GSPT1: variants seen among roughly 807,000 people sequenced by gnomAD.
GSPT1 encodes the protein G1 to S phase transition 1.
Under a neutral mutation model 72.5 loss-of-function variants are expected in GSPT1, and 20 were observed. The observed-to-expected ratio is 0.28, with a 90% CI of 0.19 to 0.40. The LOEUF is 0.40. GSPT1 is among the 10% of genes least tolerant of loss of function. The pLI, the probability that GSPT1 is intolerant of heterozygous loss-of-function variation, is 1.00. For missense variants in GSPT1, 580 were observed against 811.9 expected (o/e 0.71, Z 3.47); for synonymous variants, 334 against 293.5 (o/e 1.14, Z -1.41).
At chr16:11,913,418 T>C (rs1368542766) in intron 1 of GSPT1, among the ~76,000 whole-genome samples, 1 of 152,240 alleles carries the variant, frequency 6.6e-6, no homozygotes, top group Non-Finnish European at 1.5e-5. Context: ...TGACAGCTAC[T>C]TCCCTACAGG....
rs1169615897 is a variant in GSPT1, at chr16:11,915,763, G to A, written c.-43C>T. ...GTGTGGTGGACAGAGAGCGGGAAATGGAGGCAGGGGCGCCCGGCCGGAGAG... is the reference window on the plus strand; with the variant it reads ...GTGTGGTGGACAGAGAGCGGGAAATAGAGGCAGGGGCGCCCGGCCGGAGAG... On this transcript the variant is annotated 5_prime_UTR_variant, in exon 1 of 15. Coordinates refer to ENST00000434724, the MANE Select transcript of GSPT1 (RefSeq NM_002094.4). 6.4e-7 allele frequency: 1 copy of A among 1,563,716 alleles called. No individual in the cohort carries two copies. The highest frequency in any genetic ancestry group is 8.6e-7 in the Non-Finnish European group (1 of 1,161,496).
At chr16:11,898,135 C>A (rs913771207) in intron 1 of GSPT1, 100 bp from the exon 2 acceptor site, 1 of 745,446 alleles carries the variant, frequency 1.3e-6, no homozygotes. Context: ...TAACACGACA[C>A]AAGCCTCAAT....
At chr16:11,897,715 T>C in intron 3 of GSPT1, 125 bp downstream of exon 3, 1 of 644,578 alleles carries the variant, frequency 1.6e-6, no homozygotes, top group Non-Finnish European at 2.8e-6. Context: ...TAAATACTAA[T>C]AGCAAAGACT....
intron 14 of GSPT1, among the ~76,000 whole-genome samples, chr16:11,874,245 A>T (rs996459431): frequency 4.6e-5 from 7 of 152,134 alleles, no homozygotes; most frequent in African/African-American, 1.7e-4. Flanking sequence ...TTACATACTT[A>T]AAACAGGTCA....
At chr16:11,874,885 T>C (rs1596453882) in intron 14 of GSPT1, among the ~76,000 whole-genome samples, 1 of 152,152 alleles carries the variant, frequency 6.6e-6, no homozygotes, top group African/African-American at 2.4e-5. Context: ...AAAATGGTTA[T>C]CTAAGTTAGA....
chr16:11,911,653 A>G (rs1424847248), intron 1 of GSPT1, among the ~76,000 whole-genome samples: 1 of 150,566 alleles, frequency 6.6e-6, no homozygotes, highest in Admixed American at 6.6e-5. Context: ...CCCAGATTCA[A>G]GTGATTCTCC....
intron 1 of GSPT1, chr16:11,915,084 T>G (rs33619): frequency 0.38 from 492,161 of 1,289,026 alleles, 98,837 homozygotes; most frequent in East Asian, 0.77. Context: ...CCATCTCAAG[T>G]GGGTAACTGC....
At chr16:11,878,993 T>G (rs934079608) in intron 11 of GSPT1, among the ~76,000 whole-genome samples, 8 of 150,268 alleles carry the variant, frequency 5.3e-5, no homozygotes, top group African/African-American at 2.0e-4. Flanking sequence ...GGAGAATCGC[T>G]TGAACCCAGG....
intron 11 of GSPT1, 75 bp downstream of exon 11, chr16:11,882,940 G>C (rs1229366857): frequency 3.3e-6 from 3 of 916,426 alleles, no homozygotes; most frequent in Non-Finnish European, 5.3e-6. Flanking sequence ...CTCGGTGACA[G>C]AAGAAGACCC....
chr16:11,894,033 G>C (rs1327726869), intron 5 of GSPT1, among the ~76,000 whole-genome samples: 1 of 151,660 alleles, frequency 6.6e-6, no homozygotes, highest in Non-Finnish European at 1.5e-5. Flanking sequence ...GCATGCACCT[G>C]TGATCCCACC....
chr16:11,875,629 A>T, intron 14 of GSPT1, 132 bp downstream of exon 14: 1 of 608,962 alleles, frequency 1.6e-6, no homozygotes, highest in Non-Finnish European at 2.8e-6. Flanking sequence ...CTCATAAAAC[A>T]CTCATACGAA....
chr16:11,909,555 C>A (rs33626), intron 1 of GSPT1, among the ~76,000 whole-genome samples: 2 of 152,180 alleles, frequency 1.3e-5, no homozygotes, highest in Admixed American at 1.3e-4. Flanking sequence ...GAACTCACTG[C>A]TGTTTAATAC....
intron 1 of GSPT1, among the ~76,000 whole-genome samples, chr16:11,904,813 T>A (rs1238977732): frequency 2.0e-5 from 3 of 152,202 alleles, no homozygotes; most frequent in Non-Finnish European, 4.4e-5. Context: ...AAGCCGGGTG[T>A]AGTGGCTCAT....
chr16:11,903,971 A>G (rs573376997), intron 1 of GSPT1: 15 of 208,190 alleles, frequency 7.2e-5, no homozygotes, highest in African/African-American at 2.8e-4. Flanking sequence ...TCAAAATCTC[A>G]TAATTTCTGC....
At chr16:11,902,307 G>C (rs1386072478) in intron 1 of GSPT1, among the ~76,000 whole-genome samples, 1 of 149,970 alleles carries the variant, frequency 6.7e-6, no homozygotes, top group East Asian at 2.0e-4. Flanking sequence ...GCATGAACCC[G>C]GGAGGTGGAG....
chr16:11,891,231 C>A (rs978126879), intron 5 of GSPT1, 92 bp from the exon 6 acceptor site: 2 of 586,156 alleles, frequency 3.4e-6, no homozygotes. Context: ...AAAATTTCAA[C>A]GTCAGAAAAT....
chr16:11,883,148 A>G, intron 10 of GSPT1, 53 bp from the exon 11 acceptor site: 1 of 1,069,232 alleles, frequency 9.4e-7, no homozygotes, highest in Non-Finnish European at 1.5e-6. Flanking sequence ...GCTGTATAAC[A>G]GCTCAATAGC....
chr16:11,891,418 A>G (rs993510218), intron 5 of GSPT1, among the ~76,000 whole-genome samples: 1 of 150,048 alleles, frequency 6.7e-6, no homozygotes, highest in Non-Finnish European at 1.5e-5. Flanking sequence ...CTGGAGTGCA[A>G]TGGCACAATC....
chr16:11,916,256 CG>C (rs1235106169), upstream of GSPT1, among the ~76,000 whole-genome samples: 1 of 152,174 alleles, frequency 6.6e-6, no homozygotes, highest in Admixed American at 6.5e-5. Context: ...GGCCGCTCGG[CG>C]GCCCCACCTG....
Sources: gnomAD v4.1 joint callset for allele counts (sites outside exome capture counted in the v4.1 genomes callset) on GRCh38, gnomAD v4.1.1 for gene constraint, MANE v1.5 for transcripts, NCBI Gene and HGNC (gene_info 2026-07-23, HGNC 2026-07-21) for gene names.